Variants in ABCC5 observed in about 807,000 individuals in gnomAD.
ABCC5 encodes ATP-binding cassette sub-family C member 5.
Under a neutral mutation model 160.9 loss-of-function variants are expected in ABCC5, and 61 were observed. The ratio of observed to expected loss-of-function variants is 0.38; its 90% CI spans 0.31 to 0.47. The LOEUF (loss-of-function observed/expected upper bound fraction) is 0.47, where lower values mean the gene tolerates loss of function less well. Ranked by LOEUF, ABCC5 falls within the 20% of genes least tolerant of loss-of-function variation. The pLI is 0.99. For missense variants in ABCC5, 1,308 were observed against 1,813.3 expected (o/e 0.72, Z 5.06); for synonymous variants, 666 against 700.6 (o/e 0.95, Z 0.78).
Position 183,987,825 on chromosome 3 carries a change from A to C in ABCC5, c.536T>G (p.Leu179Arg), listed in dbSNP as rs1356664090. Residue 179 changes from leucine (L) to arginine (R), a missense_variant, in exon 5 of 30, where the codon CTC becomes CGC. Transcript: ENST00000334444. This position sits in a 1 kb window ranked among gnomAD's most constrained non-coding sequence, Gnocchi z 4.2. ...CATCAGGCACACGATGGACAGGATG[A>C]GCCTGGTGCGGCAGAAGATCCACAC... ...RVVWIFCRTR[L>R]ILSIVCLMIT... 6.2e-7 allele frequency: 1 copy of C among 1,613,714 alleles called. No homozygotes were observed. Among genetic ancestry groups the C allele is most frequent in the Non-Finnish European group, 8.5e-7 (1 of 1,179,982 alleles).
chr3:183,984,608 T>C, intron 5 of ABCC5: 1 of 1,390,570 alleles, frequency 7.2e-7, no homozygotes, highest in Non-Finnish European at 9.3e-7. Flanking sequence ...GGAAATAACC[T>C]GATCAAATAG....
At chr3:183,962,675 G>A (rs1716880968) in intron 15 of ABCC5, among the ~76,000 whole-genome samples, 1 of 152,020 alleles carries the variant, frequency 6.6e-6, no homozygotes, top group Non-Finnish European at 1.5e-5. Context: ...GGGATTGCAG[G>A]CACGTGCCAC....
chr3:183,953,889 G>T (rs1034175782), intron 17 of ABCC5, among the ~76,000 whole-genome samples: 2 of 152,168 alleles, frequency 1.3e-5, no homozygotes, highest in East Asian at 3.9e-4. Flanking sequence ...GGTCACAGAA[G>T]AAAGGCTTTG....
At chr3:183,957,383 C>T (rs1421406795) in intron 17 of ABCC5, among the ~76,000 whole-genome samples, 5 of 130,412 alleles carry the variant, frequency 3.8e-5, no homozygotes, top group Admixed American at 2.4e-4. Flanking sequence ...TATATCACAT[C>T]GGTTACATGC....
intron 2 of ABCC5, among the ~76,000 whole-genome samples, chr3:183,990,571 C>T (rs1420262078): frequency 1.3e-5 from 2 of 152,142 alleles, no homozygotes; most frequent in Non-Finnish European, 2.9e-5. Context: ...AATTAAACAG[C>T]CCTGCCACAC....
At chr3:183,976,025 T>C (rs146100070) in intron 10 of ABCC5, among the ~76,000 whole-genome samples, 8 of 151,586 alleles carry the variant, frequency 5.3e-5, no homozygotes, top group African/African-American at 1.7e-4. Context: ...CATCCACGAC[T>C]GGTTATTGCG....
intron 2 of ABCC5, among the ~76,000 whole-genome samples, chr3:183,999,809 A>G (rs1369459807): frequency 6.6e-6 from 1 of 151,928 alleles, no homozygotes; most frequent in Non-Finnish European, 1.5e-5. Context: ...CTACCAACTA[A>G]CCAGATTGGA....
intron 29 of ABCC5, among the ~76,000 whole-genome samples, chr3:183,924,506 A>G (rs1446592590): frequency 6.6e-6 from 1 of 152,234 alleles, no homozygotes; most frequent in Non-Finnish European, 1.5e-5. Flanking sequence ...AGTAGCTGTC[A>G]CTGTGGGAGC....
chr3:183,994,122 C>T (rs1374597649), intron 2 of ABCC5, among the ~76,000 whole-genome samples: 1 of 151,978 alleles, frequency 6.6e-6, no homozygotes, highest in African/African-American at 2.4e-5. Flanking sequence ...CACCACCAAC[C>T]CGTCTAATTT....
intron 2 of ABCC5, among the ~76,000 whole-genome samples, chr3:183,999,628 A>T (rs945781386): frequency 6.6e-6 from 1 of 151,980 alleles, no homozygotes; most frequent in Non-Finnish European, 1.5e-5. Context: ...GCATTTTTTA[A>T]AACTAGCCGG....
chr3:183,921,174 G>A lies in ABCC5; in HGVS notation c.*126C>T, dbSNP rs567576799. The A allele has an allele frequency of 5.0e-5, 28 of 561,248 alleles. 1 individual carries two copies. The South Asian group carries it at 6.0e-4, about 12-fold the overall frequency. 34.8% of individuals were successfully genotyped at this position (561,248 alleles called of 1,614,324 possible). On this transcript the variant is annotated 3_prime_UTR_variant, in exon 30 of 30. Transcript: ENST00000334444. The surrounding 1 kb of genome is among the most constrained non-coding windows in gnomAD (Gnocchi z 4.1). ...AAAAGTGAAACACACAAGCCAATCC[G>A]GAACTGCTGTGCGAAAGATAAAATC...
At chr3:183,926,805 G>A (rs896774435) in intron 28 of ABCC5, among the ~76,000 whole-genome samples, 1 of 152,108 alleles carries the variant, frequency 6.6e-6, no homozygotes, top group South Asian at 2.1e-4. Context: ...CCAGCACTTT[G>A]GGAGGCCAAA....
chr3:183,957,478 T>C lies in ABCC5; in HGVS notation c.2482+2255A>G, dbSNP rs1016603095. On this transcript the variant is annotated intron_variant, in intron 17 of 29. Coordinates refer to ENST00000334444, the MANE Select transcript of ABCC5 (RefSeq NM_005688.4). ...CATGCGGATCCGTGTGTATATGACA[T>C]CAGTTACATGCGGATCCGTGTGTAA... 2.8e-5 allele frequency among the ~76,000 whole-genome samples: 4 copies of C among 144,080 alleles called. No individual in the cohort carries two copies. In the South Asian group the frequency reaches 8.8e-4, roughly 32 times the overall value. The allele number at this position is 144,080 out of a possible 152,430, so 94.5% of individuals were successfully genotyped here.
chr3:183,970,128 C>A (rs1045759450), intron 11 of ABCC5, among the ~76,000 whole-genome samples: 2 of 152,182 alleles, frequency 1.3e-5, no homozygotes, highest in African/African-American at 4.8e-5. Flanking sequence ...GGCTCCTCTT[C>A]CCACTTGGAG....
In ABCC5 at chr3:183,921,315, G is replaced by C. The variant is rs758197983; in HGVS notation, c.4299C>G (p.Val1433=). The change falls in exon 30 of 30, where the codon GTC becomes GTG. Residue 1433 remains valine (V), a synonymous_variant. Transcript: ENST00000334444. This position sits in a 1 kb window ranked among gnomAD's most constrained non-coding sequence, Gnocchi z 4.1. ...CAGGGAGGAGTCAGCCCTTGACAGC[G>C]ACCTTGTTCTCTGCAGCAGCAAACA... ...YAMFAAAENK[V]AVKG The C allele has an allele frequency of 1.9e-6, 3 of 1,583,876 alleles. No individual in the cohort carries two copies. The highest frequency in any genetic ancestry group is 8.7e-7 in the Non-Finnish European group (1 of 1,153,874).
chr3:183,977,377 C>G lies in ABCC5; in HGVS notation c.1404+140G>C. The G allele has an allele frequency of 5.3e-6, 3 of 566,120 alleles. No homozygotes were observed. In the South Asian group the frequency reaches 7.6e-5, roughly 14 times the overall value. 35.1% of individuals were successfully genotyped at this position (566,120 alleles called of 1,614,324 possible). A position where few individuals can be genotyped will look rare whatever the true frequency, so the allele number is the denominator to read the frequency against. ...TCAATTCAGTCTCCTCCACTGCCCC[C>G]TTTTTCTTACCAACTTGCCAAAAGG... is the stretch of plus-strand genomic sequence containing the variant. On this transcript the variant is annotated intron_variant, in intron 10 of 29. Transcript: ENST00000334444.
chr3:184,001,178 A>C, intron 2 of ABCC5: 1 of 466,946 alleles, frequency 2.1e-6, no homozygotes, highest in Non-Finnish European at 3.8e-6. Flanking sequence ...ACAGGAGCCC[A>C]GGTGTTTGAC....
intron 15 of ABCC5, 100 bp from the exon 16 acceptor site, chr3:183,961,754 C>A (rs983535227): frequency 3.6e-5 from 51 of 1,415,220 alleles, no homozygotes; most frequent in Non-Finnish European, 4.4e-5. Flanking sequence ...ACGAGTTAAG[C>A]TCCCAGAAGA....
At chr3:183,952,293 T>G (rs2108798629) in intron 18 of ABCC5, among the ~76,000 whole-genome samples, 1 of 152,172 alleles carries the variant, frequency 6.6e-6, no homozygotes, top group East Asian at 1.9e-4. Context: ...ATTACAGGTG[T>G]GCACCACCAT....
Sources: gnomAD v4.1 joint callset for allele counts (sites outside exome capture counted in the v4.1 genomes callset) on GRCh38, gnomAD v4.1.1 for gene constraint, Gnocchi (gnomAD v3.1) non-coding constraint, MANE v1.5 for transcripts, NCBI Gene and HGNC (gene_info 2026-07-23, HGNC 2026-07-21) for gene names.